The following ZNF365 variants were observed in gnomAD, a reference collection of about 807,000 sequenced individuals.
ZNF365 encodes the protein zinc finger protein 365.
ZNF365 carries 22 observed loss-of-function variants against 35.0 expected under a neutral mutation model. The observed-to-expected ratio is 0.63, with a 90% CI of 0.45 to 0.90. ZNF365 has a LOEUF of 0.90. ZNF365 is among the 40% of genes least tolerant of loss of function. The pLI is 0.00. For synonymous variants in ZNF365, 188 were observed against 196.2 expected (o/e 0.96, Z 0.35); for missense variants, 448 against 500.3 (o/e 0.90, Z 1.00).
chr10:62,395,504 ATTTTTTTT>A lies in ZNF365; in HGVS notation c.925-3220_925-3213del, dbSNP rs67866839. ...AGGCACCCACCACCACACCCGGCTA[ATTTTTTTT>A]TTTTTTTTTTTTTTTGTATTTTTAG... is the stretch of plus-strand genomic sequence containing the variant. On this transcript the variant is annotated intron_variant, in intron 3 of 4. Transcript: ENST00000395254. Among the ~76,000 whole-genome samples the A allele has an allele frequency of 3.3e-3, 326 of 98,474 alleles. 3 individuals are homozygous for A. The highest frequency in any genetic ancestry group is 0.016 in the Middle Eastern group (3 of 186). The allele number at this position is 98,474 out of a possible 152,430, so 64.6% of individuals were successfully genotyped here.
intron 3 of ZNF365, among the ~76,000 whole-genome samples, chr10:62,396,811 A>C (rs1332027901): frequency 6.6e-6 from 1 of 152,224 alleles, no homozygotes; most frequent in Non-Finnish European, 1.5e-5. Context: ...TATGTATACA[A>C]ATGTATGCAA....
chr10:62,406,622 A>G (rs1839909186), downstream of ZNF365, among the ~76,000 whole-genome samples: 1 of 152,210 alleles, frequency 6.6e-6, no homozygotes, highest in Non-Finnish European at 1.5e-5. Context: ...ACTTTCTTCC[A>G]GCTGGGGAGG....
At chr10:62,459,965 A>T (rs139420649) in intron 4 of ZNF365, among the ~76,000 whole-genome samples, 1 of 152,340 alleles carries the variant, frequency 6.6e-6, no homozygotes, top group East Asian at 1.9e-4. Context: ...CAAGGAGGAA[A>T]GTCTGTTTCT....
At chr10:62,419,829 T>C (rs1284557324) in intron 3 of ZNF365, among the ~76,000 whole-genome samples, 1 of 152,168 alleles carries the variant, frequency 6.6e-6, no homozygotes, top group Non-Finnish European at 1.5e-5. Context: ...TTTGTTTTAT[T>C]CCCTACCCAA....
At chr10:62,420,400 C>G (rs915879717) in intron 3 of ZNF365, among the ~76,000 whole-genome samples, 1 of 152,160 alleles carries the variant, frequency 6.6e-6, no homozygotes, top group South Asian at 2.1e-4. Flanking sequence ...CTTTGTAACA[C>G]TGAGACTTAA....
intron 3 of ZNF365, among the ~76,000 whole-genome samples, chr10:62,394,075 G>A (rs933451876): frequency 1.3e-5 from 2 of 152,182 alleles, no homozygotes; most frequent in African/African-American, 4.8e-5. Context: ...TACAGGTTGA[G>A]TATACTTTAT....
At chr10:62,440,474 G>A (rs1840481409) in intron 3 of ZNF365, among the ~76,000 whole-genome samples, 1 of 152,120 alleles carries the variant, frequency 6.6e-6, no homozygotes, top group African/African-American at 2.4e-5. Flanking sequence ...TTAGAGGGCA[G>A]AGGTTTTTCT....
At chr10:62,385,650 G>A (rs1839513229) in intron 2 of ZNF365, among the ~76,000 whole-genome samples, 1 of 152,092 alleles carries the variant, frequency 6.6e-6, no homozygotes, top group Non-Finnish European at 1.5e-5. Context: ...TCTGAGTGGT[G>A]GGATTTTGGG....
At chr10:62,479,188 T>C (rs1386453920) in intron 4 of ZNF365, among the ~76,000 whole-genome samples, 1 of 152,218 alleles carries the variant, frequency 6.6e-6, no homozygotes, top group Non-Finnish European at 1.5e-5. Context: ...CTTGATTTGA[T>C]CCTTGCCATG....
At chr10:62,406,664 C>G (rs1258883862), downstream of ZNF365, among the ~76,000 whole-genome samples, 1 of 152,156 alleles carries the variant, frequency 6.6e-6, no homozygotes, top group Non-Finnish European at 1.5e-5. Context: ...GCAGAATGAA[C>G]AGGATTGGAG....
chr10:62,388,276 C>T (rs542409199), intron 2 of ZNF365, 120 bp from the exon 3 acceptor site: 3 of 1,018,726 alleles, frequency 2.9e-6, no homozygotes, highest in African/African-American at 3.2e-5. Flanking sequence ...CTCGTCATTG[C>T]CATGGAGTAC....
At chr10:62,452,061 G>T (rs1192415530) in intron 3 of ZNF365, among the ~76,000 whole-genome samples, 3 of 152,226 alleles carry the variant, frequency 2.0e-5, no homozygotes, top group Non-Finnish European at 1.5e-5. Flanking sequence ...CGGGGAAGTT[G>T]TGATTCCCGA....
At chr10:62,478,008 A>G (rs915544028) in intron 4 of ZNF365, among the ~76,000 whole-genome samples, 1 of 152,182 alleles carries the variant, frequency 6.6e-6, no homozygotes, top group African/African-American at 2.4e-5. Flanking sequence ...CTTTTCCCAC[A>G]AGCTGAACAT....
intron 1 of ZNF365, 104 bp from the exon 2 acceptor site, chr10:62,376,077 T>G (rs932979739): frequency 5.3e-5 from 66 of 1,253,830 alleles, no homozygotes; most frequent in South Asian, 3.1e-4. Context: ...TGTGCAAAAG[T>G]CACTTGAAAC....
At chr10:62,399,458 C>T in intron 4 of ZNF365, 70 bp from the exon 5 acceptor site, 1 of 1,570,102 alleles carries the variant, frequency 6.4e-7, no homozygotes, top group Non-Finnish European at 8.6e-7. Context: ...AGTAATTATT[C>T]TTTTAAGGTT....
intron 3 of ZNF365, among the ~76,000 whole-genome samples, chr10:62,398,304 G>A (rs1381958446): frequency 6.6e-6 from 1 of 152,204 alleles, no homozygotes; most frequent in Non-Finnish European, 1.5e-5. Flanking sequence ...GCAGCAACTT[G>A]GTTGGAGCTG....
At chr10:62,384,382 C>T (rs1268745816) in intron 2 of ZNF365, among the ~76,000 whole-genome samples, 10 of 152,138 alleles carry the variant, frequency 6.6e-5, no homozygotes, top group Non-Finnish European at 1.5e-4. Flanking sequence ...TTTGTAATTA[C>T]GTGTTTATTT....
intron 3 of ZNF365, among the ~76,000 whole-genome samples, chr10:62,421,502 C>G (rs896072346): frequency 6.6e-6 from 1 of 152,080 alleles, no homozygotes; most frequent in Non-Finnish European, 1.5e-5. Context: ...AAATGTTAAC[C>G]CAAGTCCGTA....
At chr10:62,407,226 T>G (rs1014896780), downstream of ZNF365, among the ~76,000 whole-genome samples, 1 of 152,178 alleles carries the variant, frequency 6.6e-6, no homozygotes, top group Non-Finnish European at 1.5e-5. Context: ...TGTTATGAGG[T>G]CAGCTTGCCC....
Sources: gnomAD v4.1 joint callset for allele counts (sites outside exome capture counted in the v4.1 genomes callset) on GRCh38, gnomAD v4.1.1 for gene constraint, MANE v1.5 for transcripts, NCBI Gene and HGNC (gene_info 2026-07-23, HGNC 2026-07-21) for gene names.